Variants in HLA-G observed in about 807,000 individuals in gnomAD.
HLA-G encodes major histocompatibility complex, class I, G.
A neutral mutation model predicts 39.3 loss-of-function variants in HLA-G; 34 were observed. That is an observed-to-expected ratio of 0.86 (90% CI 0.66 to 1.15). The LOEUF (loss-of-function observed/expected upper bound fraction) is 1.15, where lower values mean the gene tolerates loss of function less well. Among genes scored for constraint, HLA-G ranks in the 50% most tolerant of loss-of-function variants. HLA-G has a pLI of 0.00. For synonymous variants in HLA-G, 183 were observed against 185.8 expected (o/e 0.99, Z 0.12); for missense variants, 419 against 456.4 (o/e 0.92, Z 0.75).
At position 29,830,625 on chromosome 6, in the gene HLA-G, G is replaced by A. The variant is rs1761193531; in HGVS notation, c.*29-143G>A. 5 of 722,184 alleles carry A rather than the reference G, an allele frequency of 6.9e-6. No homozygotes were observed. The highest frequency in any genetic ancestry group is 3.8e-5 in the Admixed American group (2 of 52,858). 44.7% of individuals were successfully genotyped at this position (722,184 alleles called of 1,614,324 possible). A position where few individuals can be genotyped will look rare whatever the true frequency, so the allele number is the denominator to read the frequency against. On this transcript the variant is annotated intron_variant, in intron 6 of 6. Coordinates refer to ENST00000360323, the MANE Select transcript of HLA-G (RefSeq NM_001384290.1). ...TGTGACACCCCGGGGGGCCTGATGTGTGTGGGTTGTTGAGGGGAACAGGGG... is the reference window on the plus strand; with the variant it reads ...TGTGACACCCCGGGGGGCCTGATGTATGTGGGTTGTTGAGGGGAACAGGGG...
At chr6:29,828,364 C>T in intron 2 of HLA-G, 48 bp downstream of exon 2, 1 of 1,577,416 alleles carries the variant, frequency 6.3e-7, no homozygotes, top group Non-Finnish European at 8.6e-7. Flanking sequence ...CACCTCCATG[C>T]CCCACGGACG....
At chr6:29,826,583 C>T (rs1760706960), upstream of HLA-G, among the ~76,000 whole-genome samples, 2 of 152,006 alleles carry the variant, frequency 1.3e-5, no homozygotes, top group South Asian at 4.2e-4. Context: ...GAGAAGAGGG[C>T]CTGAGGGATG....
upstream of HLA-G, chr6:29,827,304 G>T (rs1474770186): frequency 8.5e-6 from 3 of 353,650 alleles, no homozygotes; most frequent in African/African-American, 6.5e-5. Flanking sequence ...ATTTAAGGGG[G>T]AAAAAAAACC....
chr6:29,828,872 C>T, intron 3 of HLA-G, 54 bp downstream of exon 3: 1 of 1,611,406 alleles, frequency 6.2e-7, no homozygotes. Context: ...CTCAGCCTGG[C>T]CTAGCACAAG....
chr6:29,830,346 C>T (rs945407112), intron 5 of HLA-G, 32 bp from the exon 6 acceptor site: 17 of 1,613,106 alleles, frequency 1.1e-5, no homozygotes, highest in Non-Finnish European at 1.1e-5. Flanking sequence ...TGCCACCTTT[C>T]TGGCCTCTCA....
rs781774818 is a variant in HLA-G at position 29,829,574 on chromosome 6, C to A, written c.776C>A (p.Pro259His). The A allele has an allele frequency of 1.3e-5, 21 of 1,613,932 alleles. No homozygotes were observed. In the South Asian group the frequency reaches 2.2e-4, roughly 17 times the overall value. ...GACGTGGAGCTCGTGGAGACCAGGC[C>A]TGCAGGGGATGGAACCTTCCAGAAG... is the stretch of plus-strand genomic sequence containing the variant. ...TQDVELVETRPAGDGTFQKWA... is the reference protein window; with the variant it reads ...TQDVELVETRHAGDGTFQKWA... The change falls in exon 4 of 7, where the codon CCT (proline) becomes CAT (histidine). Residue 259 changes from proline to histidine, a missense_variant. Pro to His is a moderately conservative substitution (Grantham distance 77). Around this residue, in one of 2 missense-constraint regions of HLA-G, gnomAD observed 328 missense variants for 323.0 expected, o/e 1.02. Coordinates refer to ENST00000360323, the MANE Select transcript of HLA-G (RefSeq NM_001384290.1).
chr6:29,830,696 T>G, intron 6 of HLA-G, 72 bp from the exon 7 acceptor site: 1 of 592,278 alleles, frequency 1.7e-6, no homozygotes, highest in Non-Finnish European at 3.2e-6. Context: ...GTATTGAGCA[T>G]GTGATGGGCT....
At position 29,829,531 on chromosome 6, in the gene HLA-G, G is replaced by A. The variant is rs1417469901; in HGVS notation, c.733G>A (p.Gly245Arg). The A allele has an allele frequency of 3.1e-6, 5 of 1,613,962 alleles. No homozygotes were observed. Among genetic ancestry groups the A allele is most frequent in the Non-Finnish European group, 3.4e-6 (4 of 1,179,892 alleles). Reference protein sequence around the residue: ...AEIILTWQRDGEDQTQDVELV... With the variant: ...AEIILTWQRDREDQTQDVELV... ...GATCATACTGACCTGGCAGCGGGAT[G>A]GGGAGGACCAGACCCAGGACGTGGA... is the stretch of plus-strand genomic sequence containing the variant. Residue 245 changes from glycine (G) to arginine (R), a missense_variant, in exon 4 of 7, where the codon GGG becomes AGG. Physicochemically the swap from Gly to Arg is moderately radical, Grantham distance 125. This residue lies in a region of HLA-G where 328 missense variants were observed against 323.0 expected (regional missense o/e 1.02). Transcript: ENST00000360323.
Position 29,828,692 on chromosome 6 carries a change from C to T in HLA-G, c.493C>T (p.Gln165Ter). 3 of 1,613,674 alleles carry T rather than the reference C, an allele frequency of 1.9e-6. No homozygotes were observed. Among genetic ancestry groups the T allele is most frequent in the Non-Finnish European group, 2.5e-6 (3 of 1,180,024 alleles). Residue 165 changes from glutamine (Q) to a stop codon, truncating the protein, a stop_gained, in exon 3 of 7, where the codon CAG becomes TAG. Transcript: ENST00000360323. LOFTEE classifies it high-confidence loss of function. Reference sequence around the variant, plus strand: ...CTGGACCGCAGCGGACACTGCGGCTCAGATCTCCAAGCGCAAGTGTGAGGC... The same window carrying T: ...CTGGACCGCAGCGGACACTGCGGCTTAGATCTCCAAGCGCAAGTGTGAGGC... The part of the protein sequence containing the change: ...RSWTAADTAA[Q>*]ISKRKCEAAN...
chr6:29,828,443 A>G, intron 2 of HLA-G, 100 bp from the exon 3 acceptor site: 1 of 1,526,478 alleles, frequency 6.6e-7, no homozygotes, highest in African/African-American at 1.6e-5. Flanking sequence ...CAGACCCTCT[A>G]CCTGGGAGAA....
In HLA-G at chr6:29,828,536, G is replaced by A; in HGVS notation, c.344-7G>A. ...GTGGGCGGGGCTGACCGAGGGGGTG[G>A]GGCCAGGTTCTCACACCCTCCAGTG... On this transcript the variant is annotated splice_polypyrimidine_tract_variant and splice_region_variant and intron_variant, in intron 2 of 6. Coordinates refer to ENST00000360323, the MANE Select transcript of HLA-G (RefSeq NM_001384290.1). 6.2e-7 allele frequency: 1 copy of A among 1,611,136 alleles called. No homozygotes were observed. The highest frequency in any genetic ancestry group is 1.1e-5 in the South Asian group (1 of 91,042).
intron 5 of HLA-G, 140 bp from the exon 6 acceptor site, chr6:29,830,238 C>T: frequency 1.0e-6 from 1 of 994,724 alleles, no homozygotes. Flanking sequence ...ATCTGCTTTC[C>T]TTGTTTTTCC....
intron 1 of HLA-G, 48 bp from the exon 2 acceptor site, chr6:29,827,999 C>T: frequency 3.8e-6 from 6 of 1,596,932 alleles, no homozygotes; most frequent in Non-Finnish European, 5.1e-6. Context: ...ACTCGGCAGC[C>T]GCGCCGGGAG....
Position 29,829,515 on chromosome 6 carries a change from G to C in HLA-G, c.717G>C (p.Leu239=). The C allele has an allele frequency of 6.2e-7, 1 of 1,613,944 alleles. No individual in the cohort carries two copies. Among genetic ancestry groups the C allele is most frequent in the Non-Finnish European group, 8.5e-7 (1 of 1,179,870 alleles). The change falls in exon 4 of 7, where the codon CTG becomes CTC. Residue 239 remains leucine (L), a synonymous_variant. Transcript: ENST00000360323. ...GCTTCTACCCTGCGGAGATCATACT[G>C]ACCTGGCAGCGGGATGGGGAGGACC... The part of the protein sequence containing the change: ...ALGFYPAEII[L]TWQRDGEDQT...
At chr6:29,827,958 G>A in intron 1 of HLA-G, 41 bp downstream of exon 1, 1 of 1,592,642 alleles carries the variant, frequency 6.3e-7, no homozygotes, top group Non-Finnish European at 8.5e-7. Context: ...CTGCGCGGAG[G>A]AGGGAGGGGC....
In HLA-G at chr6:29,829,818, C is replaced by A. The variant is rs1232112927; in HGVS notation, c.898C>A (p.Gln300Lys). The A allele has an allele frequency of 2.5e-6, 4 of 1,612,326 alleles. No individual in the cohort carries two copies. In the Admixed American group the frequency reaches 5.0e-5, roughly 20 times the overall value. The change falls in exon 5 of 7, where the codon CAG becomes AAG. Residue 300 changes from glutamine to lysine, a missense_variant and splice_region_variant. By Grantham distance (53) the Gln-to-Lys change is moderately conservative. Around this residue, in one of 2 missense-constraint regions of HLA-G, gnomAD observed 328 missense variants for 323.0 expected, o/e 1.02. Coordinates refer to ENST00000360323, the MANE Select transcript of HLA-G (RefSeq NM_001384290.1). Reference sequence around the variant, plus strand: ...CTCACCTTCACCTCCTTTCCCAGAGCAGTCTTCCCTGCCCACCATCCCCAT... The same window carrying A: ...CTCACCTTCACCTCCTTTCCCAGAGAAGTCTTCCCTGCCCACCATCCCCAT... ...LPEPLMLRWK[Q>K]SSLPTIPIMG...
chr6:29,828,218 A>G lies in HLA-G; in HGVS notation c.245A>G (p.Glu82Gly). The G allele has an allele frequency of 6.2e-7, 1 of 1,613,516 alleles. No homozygotes were observed. The highest frequency in any genetic ancestry group is 8.5e-7 in the Non-Finnish European group (1 of 1,179,850). Residue 82 changes from glutamate to glycine, a missense_variant, in exon 2 of 7, where the codon GAG (glutamate) becomes GGG (glycine). By Grantham distance (98) the Glu-to-Gly change is moderately conservative. Transcript: ENST00000360323. ...CCGTGGGTGGAGCAGGAGGGGCCGG[A>G]GTATTGGGAAGAGGAGACACGGAAC... The part of the protein sequence containing the change: ...RAPWVEQEGP[E>G]YWEEETRNTK...
chr6:29,830,804 G>GATTTGT lies in HLA-G; in HGVS notation c.*65_*66insATTTGT, dbSNP rs371194629. Reference sequence around the variant, plus strand: ...TGCCCTGTGTGGGACTGAGTGGCAAGTCCCTTTGTGACTTCAAGAACCCTG... The same window carrying GATTTGT: ...TGCCCTGTGTGGGACTGAGTGGCAAGATTTGTTCCCTTTGTGACTTCAAGAACCCTG... On this transcript the variant is annotated 3_prime_UTR_variant, in exon 7 of 7. Transcript: ENST00000360323. 8.5e-4 allele frequency: 384 copies of GATTTGT among 450,540 alleles called. 1 individual carries two copies. The highest frequency in any genetic ancestry group is 1.3e-3 in the East Asian group (25 of 18,622). The allele number at this position is 450,540 out of a possible 1,614,324, so 27.9% of individuals were successfully genotyped here.
upstream of HLA-G, chr6:29,827,359 A>C (rs1736933): frequency 0.5 from 174,917 of 351,580 alleles, 44,938 homozygotes; most frequent in South Asian, 0.67. Flanking sequence ...CTCTCTGGCA[A>C]CAAGCTCCCT....
Sources: gnomAD v4.1 joint callset for allele counts (sites outside exome capture counted in the v4.1 genomes callset) on GRCh38, gnomAD v4.1.1 for gene constraint, gnomAD v4.1.1 regional missense constraint, MANE v1.5 for transcripts, NCBI Gene and HGNC (gene_info 2026-07-23, HGNC 2026-07-21) for gene names.